The following SLC2A4RG variants were observed in gnomAD, a reference collection of about 807,000 sequenced individuals.
The protein encoded by SLC2A4RG is GLUT4 enhancer factor.
SLC2A4RG carries 23 observed loss-of-function variants against 35.5 expected under a neutral mutation model. The observed-to-expected ratio is 0.65, with a 90% CI of 0.47 to 0.92. SLC2A4RG has a LOEUF of 0.92. SLC2A4RG is among the 40% of genes least tolerant of loss of function. SLC2A4RG has a pLI of 0.00. For missense variants in SLC2A4RG, 539 were observed against 525.0 expected (o/e 1.03, Z -0.26); for synonymous variants, 306 against 243.7 (o/e 1.26, Z -2.38).
In SLC2A4RG at chr20:63,742,728, G is replaced by T. The variant is rs368418225; in HGVS notation, c.990G>T (p.Pro330=). ...QGCLTPARLE[P]QPTEVGACPP... Reference sequence around the variant, plus strand: ...GCCTGACGCCCGCCCGCCTGGAGCCGCAGCCCACGGAGGTCGGAGCCTGCC... The same window carrying T: ...GCCTGACGCCCGCCCGCCTGGAGCCTCAGCCCACGGAGGTCGGAGCCTGCC... Residue 330 remains proline, a synonymous_variant, in exon 7 of 8, where the codon CCG becomes CCT. Transcript: ENST00000266077. The T allele has an allele frequency of 6.3e-6, 10 of 1,596,780 alleles. No homozygotes were observed. In the South Asian group the frequency reaches 1.1e-4, roughly 18 times the overall value.
In SLC2A4RG at chr20:63,739,783, G is replaced by C. The variant is rs964403092; in HGVS notation, c.-130G>C. On this transcript the variant is annotated 5_prime_UTR_variant, in exon 1 of 8. Coordinates refer to ENST00000266077, the MANE Select transcript of SLC2A4RG (RefSeq NM_020062.4). The stretch of plus-strand genomic sequence containing the variant: ...GGGCGGGGCGGGCCGGGCAGCCTCC[G>C]GGCGGCGCGGCGCGGGCGGCGGCCG... 59 of 929,116 alleles carry C rather than the reference G, an allele frequency of 6.4e-5. 1 individual carries two copies. In the Middle Eastern group the frequency reaches 1.6e-3, roughly 26 times the overall value. 57.6% of individuals were successfully genotyped at this position (929,116 alleles called of 1,614,324 possible).
chr20:63,741,506 G>A (rs749499955), intron 3 of SLC2A4RG, 27 bp downstream of exon 3: 3 of 1,594,236 alleles, frequency 1.9e-6, no homozygotes, highest in African/African-American at 1.3e-5. Context: ...TGCATTTAGG[G>A]GTGTGGGTGG....
In SLC2A4RG at chr20:63,742,938, T is replaced by A. The variant is rs1355672076; in HGVS notation, c.1112T>A (p.Leu371His). Reference protein sequence around the residue: ...RKVYGMERRDLWCTACRWKKA... With the variant: ...RKVYGMERRDHWCTACRWKKA... Reference sequence around the variant, plus strand: ...GTGTATGGCATGGAGCGCCGGGACCTCTGGTGCACAGCCTGCCGCTGGAAG... The same window carrying A: ...GTGTATGGCATGGAGCGCCGGGACCACTGGTGCACAGCCTGCCGCTGGAAG... The change falls in exon 8 of 8, where the codon CTC becomes CAC. Residue 371 changes from leucine to histidine, a missense_variant. Coordinates refer to ENST00000266077, the MANE Select transcript of SLC2A4RG (RefSeq NM_020062.4). 2 of 1,612,384 alleles carry A rather than the reference T, an allele frequency of 1.2e-6. No individual in the cohort carries two copies. Among genetic ancestry groups the A allele is most frequent in the East Asian group, 4.5e-5 (2 of 44,866 alleles).
rs1333383475 is a variant in SLC2A4RG, at chr20:63,741,393, T to C, written c.305T>C (p.Leu102Pro). 5.0e-6 allele frequency: 8 copies of C among 1,613,120 alleles called. No individual in the cohort carries two copies. Among genetic ancestry groups the C allele is most frequent in the Non-Finnish European group, 6.8e-6 (8 of 1,179,950 alleles). The change falls in exon 3 of 8, where the codon CTG becomes CCG. Residue 102 changes from leucine to proline, a missense_variant. By Grantham distance (98) the Leu-to-Pro change is moderately conservative. Coordinates refer to ENST00000266077, the MANE Select transcript of SLC2A4RG (RefSeq NM_020062.4). ...AGAGCCACCCCAGGAAAAGCCCGGC[T>C]GGACGAGGTCATGGCTGCCGCTGCC... ...AQRATPGKAR[L>P]DEVMAAAALT...
chr20:63,742,171 C>A lies in SLC2A4RG; in HGVS notation c.621C>A (p.Cys207Ter), dbSNP rs768284669. 1 of 1,604,708 alleles carries A rather than the reference C, an allele frequency of 6.2e-7. No individual in the cohort carries two copies. The highest frequency in any genetic ancestry group is 8.5e-7 in the Non-Finnish European group (1 of 1,176,126). ...TGTTCCAGTGTCTGTGGAAGAGCTG[C>A]GGGAAGGTGCTGAGCACGGCGTCGG... ...QVMFQCLWKS[C>*]GKVLSTASAM... Residue 207 changes from cysteine (C) to a stop codon, truncating the protein, a stop_gained, in exon 5 of 8, where the codon TGC becomes TGA. Coordinates refer to ENST00000266077, the MANE Select transcript of SLC2A4RG (RefSeq NM_020062.4). LOFTEE classifies it high-confidence loss of function.
intron 1 of SLC2A4RG, 63 bp from the exon 2 acceptor site, chr20:63,740,314 G>T: frequency 9.1e-7 from 1 of 1,096,606 alleles, no homozygotes; most frequent in South Asian, 4.6e-5. Context: ...CCGCGGCGGA[G>T]GTTGAGGGAC....
intron 2 of SLC2A4RG, 174 bp from the exon 3 acceptor site, chr20:63,741,196 G>A (rs1305270152): frequency 1.6e-6 from 1 of 614,642 alleles, no homozygotes; most frequent in East Asian, 2.8e-5. Context: ...GGCGGCTCCG[G>A]GTGGCTTTCA....
rs1031966031 is a variant in SLC2A4RG at position 63,743,291 on chromosome 20, T to A, written c.*301T>A. 3.8e-6 allele frequency: 1 copy of A among 262,998 alleles called. No homozygotes were observed. Among genetic ancestry groups the A allele is most frequent in the Non-Finnish European group, 7.3e-6 (1 of 136,194 alleles). 16.3% of individuals were successfully genotyped at this position (262,998 alleles called of 1,614,324 possible). ...AGCCACCCTCCCGCCTGTCGGCCCG[T>A]AGATTTATCAAGGGTGTTATGGGCC... On this transcript the variant is annotated 3_prime_UTR_variant, in exon 8 of 8. Coordinates refer to ENST00000266077, the MANE Select transcript of SLC2A4RG (RefSeq NM_020062.4).
Position 63,741,183 on chromosome 20 carries a change from C to T in SLC2A4RG, c.282-187C>T, listed in dbSNP as rs1297629879. ...GGCTTCAGGAGACCCTGGCCCTGCT[C>T]CTGGCGGCTCCGGGTGGCTTTCAGC... On this transcript the variant is annotated intron_variant, in intron 2 of 7. Transcript: ENST00000266077. The T allele has an allele frequency of 3.0e-5, 18 of 597,930 alleles. No individual in the cohort carries two copies. The Admixed American group carries it at 5.0e-4, about 17-fold the overall frequency. The allele number at this position is 597,930 out of a possible 1,614,324, so 37.0% of individuals were successfully genotyped here. A position where few individuals can be genotyped will look rare whatever the true frequency, so the allele number is the denominator to read the frequency against.
Position 63,742,624 on chromosome 20 carries a change from G to A in SLC2A4RG, c.960+9G>A. The A allele has an allele frequency of 1.3e-6, 2 of 1,575,974 alleles. No individual in the cohort carries two copies. Among genetic ancestry groups the A allele is most frequent in the African/African-American group, 2.7e-5 (2 of 74,460 alleles). The stretch of plus-strand genomic sequence containing the variant: ...GTGACCGTGTCTACCAGGTGGGTGA[G>A]GCCACGGGTGGCAGCTGGGGCGGGT... On this transcript the variant is annotated intron_variant, in intron 6 of 7. Transcript: ENST00000266077.
rs2092047365 is a variant in SLC2A4RG at position 63,742,355 on chromosome 20, C to G, written c.700C>G (p.Gln234Glu). 6.2e-7 allele frequency: 1 copy of G among 1,609,532 alleles called. No homozygotes were observed. The highest frequency in any genetic ancestry group is 1.3e-5 in the African/African-American group (1 of 74,920). The change falls in exon 6 of 8, where the codon CAG becomes GAG. Residue 234 changes from glutamine to glutamate, a missense_variant. Gln to Glu is a conservative substitution (Grantham distance 29, BLOSUM62 2). Coordinates refer to ENST00000266077, the MANE Select transcript of SLC2A4RG (RefSeq NM_020062.4). ...VHLGRQAEPE[Q>E]SDGEEDFYYT... ...CCGCAGGAGGCAGGCAGAGCCTGAG[C>G]AGAGTGATGGTGAGGAGGACTTCTA...
In SLC2A4RG at chr20:63,743,077, CAGGGGCTGGCTTTCA is replaced by C; in HGVS notation, c.*88_*102del. ...GGCTGAAACAGCCCGAGGACAGCCCCAGGGGCTGGCTTTCACCAGCTGCAGGGTCTGCTTTTACTT... is the reference window on the plus strand; with the variant it reads ...GGCTGAAACAGCCCGAGGACAGCCCCCCAGCTGCAGGGTCTGCTTTTACTT... On this transcript the variant is annotated 3_prime_UTR_variant, in exon 8 of 8. Coordinates refer to ENST00000266077, the MANE Select transcript of SLC2A4RG (RefSeq NM_020062.4). 1 of 705,682 alleles carries C rather than the reference CAGGGGCTGGCTTTCA, an allele frequency of 1.4e-6. No homozygotes were observed. The highest frequency in any genetic ancestry group is 4.0e-5 in the East Asian group (1 of 24,858). The allele number at this position is 705,682 out of a possible 1,614,324, so 43.7% of individuals were successfully genotyped here.
chr20:63,740,351 T>C, intron 1 of SLC2A4RG, 26 bp from the exon 2 acceptor site: 1 of 1,220,688 alleles, frequency 8.2e-7, no homozygotes, highest in Non-Finnish European at 1.0e-6. Context: ...CCGCCTCCGC[T>C]GAGTCTGCCC....
chr20:63,742,409 A>G lies in SLC2A4RG; in HGVS notation c.754A>G (p.Thr252Ala). ...CACAGAGCTGGATGTTGGTGTGGAC[A>G]CGCTGACCGACGGGCTGTCCAGCCT... ...YYTELDVGVD[T>A]LTDGLSSLTP... Residue 252 changes from threonine to alanine, a missense_variant, in exon 6 of 8, where the codon ACG becomes GCG. Thr to Ala is a moderately conservative substitution (Grantham distance 58). Coordinates refer to ENST00000266077, the MANE Select transcript of SLC2A4RG (RefSeq NM_020062.4). 3 of 1,610,656 alleles carry G rather than the reference A, an allele frequency of 1.9e-6. No individual in the cohort carries two copies. The highest frequency in any genetic ancestry group is 2.5e-6 in the Non-Finnish European group (3 of 1,179,154).
rs751498268 is a variant in SLC2A4RG, at chr20:63,741,490, G to C, written c.391+11G>C. The C allele has an allele frequency of 3.4e-5, 55 of 1,610,278 alleles. No individual in the cohort carries two copies. The highest frequency in any genetic ancestry group is 4.7e-5 in the Non-Finnish European group (55 of 1,177,568). On this transcript the variant is annotated intron_variant, in intron 3 of 7. Transcript: ENST00000266077. ...CAGCCTTCAGCCCAGGTAAGACTCA[G>C]ATGTCTGCATTTAGGGGTGTGGGTG...
rs754813420 is a variant in SLC2A4RG, at chr20:63,742,543, G to A, written c.888G>A (p.Pro296=). ...ALPSPLRPPA[P]PLPPPPVLST... ...CTAGTCCCCTGCGGCCGCCTGCCCC[G>A]CCCCTGCCCCCGCCCCCTGTCCTGA... is the stretch of plus-strand genomic sequence containing the variant. Residue 296 remains proline (P), a synonymous_variant, in exon 6 of 8, where the codon CCG becomes CCA. Coordinates refer to ENST00000266077, the MANE Select transcript of SLC2A4RG (RefSeq NM_020062.4). The A allele has an allele frequency of 1.5e-5, 22 of 1,496,632 alleles. No homozygotes were observed. The highest frequency in any genetic ancestry group is 8.3e-5 in the African/African-American group (6 of 72,354). 92.7% of individuals were successfully genotyped at this position (1,496,632 alleles called of 1,614,324 possible). A position where few individuals can be genotyped will look rare whatever the true frequency, so the allele number is the denominator to read the frequency against.
chr20:63,742,976 C>A lies in SLC2A4RG; in HGVS notation c.1150C>A (p.Arg384=). The A allele has an allele frequency of 1.2e-6, 2 of 1,610,632 alleles. No homozygotes were observed. Among genetic ancestry groups the A allele is most frequent in the Non-Finnish European group, 1.7e-6 (2 of 1,178,670 alleles). ...TACRWKKACQ[R]FLD ...CTGCCGCTGGAAGAAAGCCTGCCAG[C>A]GGTTCCTGGACTAAGTCCGGCTCGT... Residue 384 remains arginine, a synonymous_variant, in exon 8 of 8, where the codon CGG becomes AGG. Transcript: ENST00000266077.
chr20:63,743,229 A>C lies in SLC2A4RG; in HGVS notation c.*239A>C. The C allele has an allele frequency of 9.3e-6, 4 of 428,670 alleles. No individual in the cohort carries two copies. The highest frequency in any genetic ancestry group is 1.7e-5 in the Non-Finnish European group (4 of 235,340). The allele number at this position is 428,670 out of a possible 1,614,324, so 26.6% of individuals were successfully genotyped here. ...CAGCTTTTTGCACTAAAGCCAAACCACACCGCTGTCCCCTTAGCCCCAAGG... is the reference window on the plus strand; with the variant it reads ...CAGCTTTTTGCACTAAAGCCAAACCCCACCGCTGTCCCCTTAGCCCCAAGG... On this transcript the variant is annotated 3_prime_UTR_variant, in exon 8 of 8. Coordinates refer to ENST00000266077, the MANE Select transcript of SLC2A4RG (RefSeq NM_020062.4).
chr20:63,742,866 A>C lies in SLC2A4RG; in HGVS notation c.1053-13A>C, dbSNP rs1151626. 1,497,820 of 1,606,842 alleles carry C rather than the reference A, an allele frequency of 0.93. 698,590 individuals carry two copies. Among genetic ancestry groups the C allele is most frequent in the East Asian group, 0.99 (44,400 of 44,670 alleles). On this transcript the variant is annotated splice_polypyrimidine_tract_variant and intron_variant, in intron 7 of 7. Coordinates refer to ENST00000266077, the MANE Select transcript of SLC2A4RG (RefSeq NM_020062.4). The stretch of plus-strand genomic sequence containing the variant: ...GTCTCACAGCACCCCATGTCCTGTG[A>C]CCCCCCGCACAGGAAGCCCCGCGGC...
Sources: gnomAD v4.1 joint callset for allele counts on GRCh38, gnomAD v4.1.1 for gene constraint, MANE v1.5 for transcripts, NCBI Gene and HGNC (gene_info 2026-07-23, HGNC 2026-07-21) for gene names.